The following TUBGCP3 variants were observed in gnomAD, a reference collection of about 807,000 sequenced individuals.
The protein encoded by TUBGCP3 is gamma-tubulin complex component 3.
A neutral mutation model predicts 123.1 loss-of-function variants in TUBGCP3; 50 were observed. That is an observed-to-expected ratio of 0.41 (90% CI 0.32 to 0.51). TUBGCP3 has a LOEUF of 0.51. Ranked by LOEUF, TUBGCP3 falls within the 20% of genes least tolerant of loss-of-function variation. The pLI, the probability that TUBGCP3 is intolerant of heterozygous loss-of-function variation, is 0.36. For missense variants in TUBGCP3, 882 were observed against 1,127.0 expected (o/e 0.78, Z 3.11); for synonymous variants, 405 against 413.9 (o/e 0.98, Z 0.26).
chr13:112,519,787 G>T lies in TUBGCP3; in HGVS notation c.1881+99C>A. 1.4e-6 allele frequency: 2 copies of T among 1,444,216 alleles called. No homozygotes were observed. Among genetic ancestry groups the T allele is most frequent in the South Asian group, 1.5e-5 (1 of 67,326 alleles). 89.5% of individuals were successfully genotyped at this position (1,444,216 alleles called of 1,614,324 possible). ...CCAGTTTCCAGAAAGATAACGGCTA[G>T]CTGTGCCTGAAACAACATGGAAAAC... On this transcript the variant is annotated intron_variant, in intron 15 of 21. Transcript: ENST00000261965. This position sits in a 1 kb window ranked among gnomAD's most constrained non-coding sequence, Gnocchi z 6.2.
intron 1 of TUBGCP3, among the ~76,000 whole-genome samples, chr13:112,584,833 A>G (rs969583519): frequency 6.6e-6 from 1 of 152,248 alleles, no homozygotes; most frequent in African/African-American, 2.4e-5. Context: ...TGATAAGAAT[A>G]ATTACGCAAA....
intron 11 of TUBGCP3, among the ~76,000 whole-genome samples, chr13:112,534,280 C>A (rs1877844042): frequency 6.6e-6 from 1 of 152,208 alleles, no homozygotes; most frequent in Non-Finnish European, 1.5e-5. Flanking sequence ...GGCGCGGCGG[C>A]TCACGCCTGT....
intron 16 of TUBGCP3, 124 bp from the exon 17 acceptor site, chr13:112,516,699 A>C: frequency 4.2e-6 from 5 of 1,183,744 alleles, no homozygotes; most frequent in Non-Finnish European, 4.6e-6. Flanking sequence ...CATGCTAAGT[A>C]AAGTCACAGT....
intron 2 of TUBGCP3, among the ~76,000 whole-genome samples, chr13:112,567,873 T>C (rs1223751497): frequency 6.6e-6 from 1 of 152,218 alleles, no homozygotes; most frequent in African/African-American, 2.4e-5. Flanking sequence ...GCAGGACTTC[T>C]AGAAGGTGTT....
At chr13:112,579,000 G>T (rs1882077038) in intron 1 of TUBGCP3, among the ~76,000 whole-genome samples, 1 of 152,106 alleles carries the variant, frequency 6.6e-6, no homozygotes, top group Non-Finnish European at 1.5e-5. Context: ...CATTTTTTTA[G>T]AAATTCATAC....
At chr13:112,597,716 TAA>T in the TUBGCP3 span, among the ~76,000 whole-genome samples, 1 of 143,130 alleles carries the variant, frequency 7.0e-6, no homozygotes. Flanking sequence ...TAGATACAAC[TAA>T]AAAAAAAAAT....
chr13:112,561,992 G>A (rs1015410792), intron 3 of TUBGCP3, among the ~76,000 whole-genome samples: 9 of 152,170 alleles, frequency 5.9e-5, no homozygotes, highest in African/African-American at 1.4e-4. Flanking sequence ...CATTTGATAC[G>A]AAGGTGTGGA....
chr13:112,537,940 T>G (rs866614981), intron 11 of TUBGCP3, among the ~76,000 whole-genome samples: 1 of 152,236 alleles, frequency 6.6e-6, no homozygotes, highest in African/African-American at 2.4e-5. Context: ...CATTTTTGAA[T>G]GGGAATTCTG....
At chr13:112,542,173 T>C (rs1034180087) in intron 11 of TUBGCP3, among the ~76,000 whole-genome samples, 2 of 152,204 alleles carry the variant, frequency 1.3e-5, no homozygotes, top group Non-Finnish European at 2.9e-5. Context: ...AAATAAAACA[T>C]TGATTTTTCA....
In TUBGCP3 at chr13:112,492,565, A is replaced by G. The variant is rs113618830; in HGVS notation, c.2449-2868T>C. 2.7e-5 allele frequency among the ~76,000 whole-genome samples: 4 copies of G among 149,532 alleles called. No homozygotes were observed. The South Asian group carries it at 8.3e-4, about 31-fold the overall frequency. ...CCAGAGGAGCCCTGGCTATGGGAAC[A>G]GGGCCTGGTGTGTCTGAGACACCCT... On this transcript the variant is annotated intron_variant, in intron 20 of 21. Coordinates refer to ENST00000261965, the MANE Select transcript of TUBGCP3 (RefSeq NM_006322.6).
chr13:112,541,898 G>A (rs1273258259), intron 11 of TUBGCP3, among the ~76,000 whole-genome samples: 2 of 152,146 alleles, frequency 1.3e-5, no homozygotes, highest in Non-Finnish European at 2.9e-5. Context: ...AGAGGATACA[G>A]ATTCTTTAAT....
At chr13:112,600,751 A>G in the TUBGCP3 span, among the ~76,000 whole-genome samples, 1 of 152,154 alleles carries the variant, frequency 6.6e-6, no homozygotes, top group Non-Finnish European at 1.5e-5. Context: ...AGCAGAAGCC[A>G]CTACTCGCCT....
chr13:112,555,381 G>A (rs978652733), intron 6 of TUBGCP3, among the ~76,000 whole-genome samples: 4 of 152,176 alleles, frequency 2.6e-5, no homozygotes, highest in Non-Finnish European at 4.4e-5. Flanking sequence ...TGCATTCTAC[G>A]CAAGGACAGG....
rs1303287316 is a variant in TUBGCP3 at position 112,519,418 on chromosome 13, TAAGTA to T, written c.1882-380_1882-376del. 6.6e-6 allele frequency among the ~76,000 whole-genome samples: 1 copy of T among 152,222 alleles called. No homozygotes were observed. Among genetic ancestry groups the T allele is most frequent in the African/African-American group, 2.4e-5 (1 of 41,458 alleles). ...TCTGCTAATGATCTTCCATCACAAC[TAAGTA>T]AATAGTGGGTTTATGTTCATAATAA... On this transcript the variant is annotated intron_variant, in intron 15 of 21. Transcript: ENST00000261965. The surrounding 1 kb of genome is among the most constrained non-coding windows in gnomAD (Gnocchi z 6.2).
chr13:112,501,800 C>T (rs753710469), intron 19 of TUBGCP3, among the ~76,000 whole-genome samples: 4 of 152,162 alleles, frequency 2.6e-5, no homozygotes, highest in Admixed American at 1.3e-4. Context: ...GTGGGACCAA[C>T]GCACACGTGA....
chr13:112,578,507 C>A (rs1415758153), intron 1 of TUBGCP3, among the ~76,000 whole-genome samples: 4 of 122,222 alleles, frequency 3.3e-5, no homozygotes, highest in African/African-American at 6.3e-5. Context: ...TGCAGTGAGC[C>A]GGGATAGCGC....
intron 19 of TUBGCP3, among the ~76,000 whole-genome samples, chr13:112,503,713 C>T (rs546505709): frequency 2.2e-4 from 33 of 152,268 alleles, no homozygotes; most frequent in African/African-American, 7.2e-4. Context: ...AGATATTAAC[C>T]TCAACAACTC....
chr13:112,569,612 G>A (rs1310981268), intron 1 of TUBGCP3, among the ~76,000 whole-genome samples: 2 of 152,082 alleles, frequency 1.3e-5, no homozygotes, highest in Non-Finnish European at 2.9e-5. Context: ...AGTAACTCCA[G>A]GGTCAACACA....
chr13:112,516,682 T>C (rs1185773547), intron 16 of TUBGCP3, 107 bp from the exon 17 acceptor site: 4 of 1,315,430 alleles, frequency 3.0e-6, no homozygotes, highest in Middle Eastern at 2.2e-4. Flanking sequence ...ACTATCATAA[T>C]AGGCAGCATG....
Sources: allele counts gnomAD v4.1 joint callset (sites outside exome capture counted in the v4.1 genomes callset), GRCh38; gene constraint gnomAD v4.1.1; non-coding constraint Gnocchi (gnomAD v3.1); transcripts MANE v1.5; gene names NCBI Gene and HGNC (gene_info 2026-07-23, HGNC 2026-07-21).